Variants in POLE2 observed in about 807,000 individuals in gnomAD.
The protein encoded by POLE2 is DNA polymerase epsilon subunit 2.
POLE2 carries 56 observed loss-of-function variants against 79.4 expected under a neutral mutation model. The observed-to-expected ratio is 0.71, with a 90% CI of 0.57 to 0.88. The LOEUF (loss-of-function observed/expected upper bound fraction) is 0.88. Ranked by LOEUF, POLE2 falls within the 40% of genes least tolerant of loss-of-function variation. The probability of loss-of-function intolerance (pLI) is 0.00; values close to 1 mark genes in which losing one functional copy is unlikely to be tolerated. For missense variants in POLE2, 598 were observed against 638.9 expected (o/e 0.94, Z 0.69); for synonymous variants, 212 against 214.0 (o/e 0.99, Z 0.08).
intron 16 of POLE2, among the ~76,000 whole-genome samples, chr14:49,650,755 C>T (rs1381967616): frequency 2.0e-5 from 3 of 152,132 alleles, no homozygotes; most frequent in Admixed American, 2.0e-4. Context: ...AGCCACTGCA[C>T]CTGGTCCATA....
chr14:49,676,213 T>C (rs141843165), intron 3 of POLE2, among the ~76,000 whole-genome samples: 16 of 152,340 alleles, frequency 1.1e-4, no homozygotes, highest in African/African-American at 3.8e-4. Flanking sequence ...CTTTTAATAA[T>C]ATAACCATGT....
chr14:49,647,239 G>T, intron 18 of POLE2, 54 bp downstream of exon 18: 1 of 924,672 alleles, frequency 1.1e-6, no homozygotes, highest in Non-Finnish European at 1.7e-6. Flanking sequence ...CTCATTTTCA[G>T]TAATTTAACA....
At chr14:49,654,713 T>A in intron 13 of POLE2, 71 bp downstream of exon 13, 1 of 1,452,690 alleles carries the variant, frequency 6.9e-7, no homozygotes, top group Non-Finnish European at 9.1e-7. Flanking sequence ...ATTGCTGATA[T>A]AACAAAATTC....
Position 49,654,157 on chromosome 14 carries a change from T to TG in POLE2, c.1130dup (p.Arg378LysfsTer6). 1 of 1,609,962 alleles carries TG rather than the reference T, an allele frequency of 6.2e-7. No homozygotes were observed. The highest frequency in any genetic ancestry group is 8.5e-7 in the Non-Finnish European group (1 of 1,177,212). On this transcript the variant is annotated frameshift_variant, in exon 14 of 19. Coordinates refer to ENST00000216367, the MANE Select transcript of POLE2 (RefSeq NM_002692.4). LOFTEE classifies it high-confidence loss of function. Reference sequence around the variant, plus strand: ...GCAAAAATCTGAACAAAACTTACCTTGGTAAGATGGAACCAAATCCAGGAT... The same window carrying TG: ...GCAAAAATCTGAACAAAACTTACCTTGGGTAAGATGGAACCAAATCCAGGAT...
At chr14:49,681,933 A>C (rs1303754352) in intron 2 of POLE2, 1 of 153,210 alleles carries the variant, frequency 6.5e-6, no homozygotes, top group African/African-American at 2.4e-5. Context: ...CTTATGTTTC[A>C]TAACTTTGGT....
Position 49,684,234 on chromosome 14 carries a change from G to A in POLE2, c.69-541C>T, listed in dbSNP as rs187957381. 1.1e-3 allele frequency among the ~76,000 whole-genome samples: 163 copies of A among 152,200 alleles called. 2 individuals carry two copies. In the East Asian group the frequency reaches 0.018, roughly 17 times the overall value. On this transcript the variant is annotated intron_variant, in intron 1 of 18. Coordinates refer to ENST00000216367, the MANE Select transcript of POLE2 (RefSeq NM_002692.4). ...TCCCAGCATTTTGGGAGGCCGAGGC[G>A]GGCGGATCATGAGGTCAGGAGATCA...
intron 2 of POLE2, among the ~76,000 whole-genome samples, chr14:49,682,640 G>GAAAAAAAAAA (rs35984833): frequency 1.6e-5 from 1 of 60,976 alleles, no homozygotes; most frequent in African/African-American, 5.7e-5. Flanking sequence ...CCTTCTCAGG[G>GAAAAAAAAAA]AAAAAAAAAA....
rs1283278186 is a variant in POLE2 at position 49,653,812 on chromosome 14, T to C, written c.1211+178A>G. Reference sequence around the variant, plus strand: ...ACAGGCGCGTGCCACCAAGCCCAGCTAATTTTTGTACTTTTTGTAGAGATG... The same window carrying C: ...ACAGGCGCGTGCCACCAAGCCCAGCCAATTTTTGTACTTTTTGTAGAGATG... On this transcript the variant is annotated intron_variant, in intron 15 of 18. Transcript: ENST00000216367. 1.4e-5 allele frequency: 7 copies of C among 511,476 alleles called. No individual in the cohort carries two copies. In the East Asian group the frequency reaches 2.0e-4, roughly 15 times the overall value. 31.7% of individuals were successfully genotyped at this position (511,476 alleles called of 1,614,324 possible). A position where few individuals can be genotyped will look rare whatever the true frequency, so the allele number is the denominator to read the frequency against.
intron 10 of POLE2, among the ~76,000 whole-genome samples, chr14:49,660,373 A>G (rs1421274402): frequency 6.6e-6 from 1 of 152,192 alleles, no homozygotes; most frequent in African/African-American, 2.4e-5. Context: ...CTGTATATAC[A>G]TATATAAAGT....
chr14:49,650,196 AT>A, intron 17 of POLE2, 68 bp downstream of exon 17: 1 of 750,232 alleles, frequency 1.3e-6, no homozygotes. Context: ...TTAAATATAT[AT>A]TTTTAAATTA....
chr14:49,648,772 G>A (rs1482527816), intron 17 of POLE2, among the ~76,000 whole-genome samples: 5 of 152,180 alleles, frequency 3.3e-5, no homozygotes, highest in South Asian at 2.1e-4. Context: ...TGCCAAGGCC[G>A]ATAAGCCATG....
Position 49,674,129 on chromosome 14 carries a change from C to T in POLE2, c.411G>A (p.Leu137=). ...AEMFRERYTI[L]HQRTHRHELF... Reference sequence around the variant, plus strand: ...CGCCCCCTACCAAACTTACCTGGTGCAAAATGGTATATCGCTCACGAAACA... The same window carrying T: ...CGCCCCCTACCAAACTTACCTGGTGTAAAATGGTATATCGCTCACGAAACA... Residue 137 remains leucine, a synonymous_variant, in exon 5 of 19, where the codon TTG becomes TTA. Coordinates refer to ENST00000216367, the MANE Select transcript of POLE2 (RefSeq NM_002692.4). 1 of 1,603,584 alleles carries T rather than the reference C, an allele frequency of 6.2e-7. No homozygotes were observed. The highest frequency in any genetic ancestry group is 1.3e-5 in the African/African-American group (1 of 74,794).
Position 49,688,039 on chromosome 14 carries a change from G to T in POLE2, c.68+97C>A, listed in dbSNP as rs1009588724. On this transcript the variant is annotated intron_variant, in intron 1 of 18. Transcript: ENST00000216367. ...AAATTTAAGGTCAAGCCCCCTCTCG[G>T]CGCGCGGGGAGCCGCCGCGGTGCGT... 2.6e-5 allele frequency: 27 copies of T among 1,026,710 alleles called. No homozygotes were observed. The African/African-American group carries it at 4.1e-4, about 16-fold the overall frequency. The allele number at this position is 1,026,710 out of a possible 1,614,324, so 63.6% of individuals were successfully genotyped here. A position where few individuals can be genotyped will look rare whatever the true frequency, so the allele number is the denominator to read the frequency against.
chr14:49,656,189 A>T (rs891415289), intron 10 of POLE2, among the ~76,000 whole-genome samples: 1 of 152,016 alleles, frequency 6.6e-6, no homozygotes, highest in Non-Finnish European at 1.5e-5. Flanking sequence ...CCCCATCTCT[A>T]CTAACAATAC....
intron 15 of POLE2, among the ~76,000 whole-genome samples, chr14:49,653,631 TTTTTTTTG>T (rs956804518): frequency 8.6e-5 from 13 of 151,500 alleles, no homozygotes; most frequent in African/African-American, 3.2e-4. Context: ...TTGTTTTTTG[TTTTTTTTG>T]TTTTTTTGTT....
chr14:49,682,149 C>T (rs1032047530), intron 2 of POLE2, among the ~76,000 whole-genome samples: 4 of 151,004 alleles, frequency 2.6e-5, no homozygotes, highest in South Asian at 2.1e-4. Context: ...GGATTACAGG[C>T]GCCTGCCACC....
At chr14:49,675,688 A>C (rs1265344839) in intron 3 of POLE2, among the ~76,000 whole-genome samples, 1 of 151,444 alleles carries the variant, frequency 6.6e-6, no homozygotes, top group Non-Finnish European at 1.5e-5. Flanking sequence ...AGCCTCCCAA[A>C]CTGCTGGGAT....
Position 49,643,666 on chromosome 14 carries a change from G to T in POLE2, c.1570C>A (p.Leu524Ile). 1.4e-6 allele frequency: 2 copies of T among 1,401,286 alleles called. No homozygotes were observed. The highest frequency in any genetic ancestry group is 2.0e-6 in the Non-Finnish European group (2 of 1,007,160). 86.8% of individuals were successfully genotyped at this position (1,401,286 alleles called of 1,614,324 possible). Residue 524 changes from leucine (L) to isoleucine (I), a missense_variant, in exon 19 of 19, where the codon CTT becomes ATT. Physicochemically the swap from Leu to Ile is conservative, Grantham distance 5. Coordinates refer to ENST00000216367, the MANE Select transcript of POLE2 (RefSeq NM_002692.4). ...PSNKTVEDSK[L>I]QGF is the part of the protein sequence containing the mutation. ...CTTTAAGAATCTCAAAAGCCTTGAA[G>T]TTTGCTGAAAATAGAAAAAAAAATT...
chr14:49,687,461 C>G (rs1188980456), intron 1 of POLE2, among the ~76,000 whole-genome samples: 1 of 151,920 alleles, frequency 6.6e-6, no homozygotes, highest in Non-Finnish European at 1.5e-5. Context: ...CATAAATTGG[C>G]AACTGCAGAC....
Sources: allele counts gnomAD v4.1 joint callset (sites outside exome capture counted in the v4.1 genomes callset), GRCh38; gene constraint gnomAD v4.1.1; transcripts MANE v1.5; gene names NCBI Gene and HGNC (gene_info 2026-07-23, HGNC 2026-07-21).